The following TMEM244 variants were observed in gnomAD, a reference collection of about 807,000 sequenced individuals.
TMEM244 encodes the protein transmembrane protein 244.
Under a neutral mutation model 15.8 loss-of-function variants are expected in TMEM244, and 13 were observed. The observed-to-expected ratio is 0.82, with a 90% CI of 0.53 to 1.30. The LOEUF (loss-of-function observed/expected upper bound fraction) is 1.30. Among genes scored for constraint, TMEM244 ranks in the 50% most tolerant of loss-of-function variants. The pLI is 0.00. For synonymous variants in TMEM244, 45 were observed against 48.7 expected (o/e 0.92, Z 0.32); for missense variants, 161 against 144.9 (o/e 1.11, Z -0.57).
At chr6:129,844,728 T>C (rs961971270) in intron 2 of TMEM244, among the ~76,000 whole-genome samples, 2 of 152,196 alleles carry the variant, frequency 1.3e-5, no homozygotes, top group Non-Finnish European at 2.9e-5. Context: ...ATAGCCTCAC[T>C]GTCTCCAGTC....
intron 3 of TMEM244, among the ~76,000 whole-genome samples, chr6:129,836,003 A>G (rs1776400171): frequency 6.6e-6 from 1 of 152,214 alleles, no homozygotes; most frequent in Non-Finnish European, 1.5e-5. Context: ...AACAAAAGGC[A>G]GCAGTCAGCT....
At chr6:129,859,265 A>G (rs1273100718) in intron 1 of TMEM244, among the ~76,000 whole-genome samples, 1 of 152,208 alleles carries the variant, frequency 6.6e-6, no homozygotes, top group Non-Finnish European at 1.5e-5. Context: ...CATGTATACA[A>G]TTCTTAACAT....
intron 1 of TMEM244, among the ~76,000 whole-genome samples, chr6:129,851,981 T>C (rs1776642115): frequency 1.3e-5 from 2 of 152,210 alleles, no homozygotes; most frequent in South Asian, 4.1e-4. Context: ...TGTTAGGTTT[T>C]TAAGGTAAGA....
intron 1 of TMEM244, among the ~76,000 whole-genome samples, chr6:129,855,031 A>T (rs536105401): frequency 3.3e-5 from 5 of 152,310 alleles, no homozygotes; most frequent in African/African-American, 1.2e-4. Flanking sequence ...TACAATGCAA[A>T]TAGCTACTGG....
At chr6:129,838,100 C>A (rs1482337411) in intron 3 of TMEM244, among the ~76,000 whole-genome samples, 1 of 152,192 alleles carries the variant, frequency 6.6e-6, no homozygotes, top group African/African-American at 2.4e-5. Flanking sequence ...ATTCTACACC[C>A]CAAATCAATG....
chr6:129,844,223 C>T (rs143282322), intron 2 of TMEM244, among the ~76,000 whole-genome samples: 216 of 152,270 alleles, frequency 1.4e-3, no homozygotes, highest in African/African-American at 5.1e-3. Context: ...AGCCAAATAA[C>T]ATTTTGTCCA....
At chr6:129,843,628 G>A in intron 2 of TMEM244, 25 bp from the exon 3 acceptor site, 1 of 1,557,940 alleles carries the variant, frequency 6.4e-7, no homozygotes, top group Non-Finnish European at 8.8e-7. Flanking sequence ...AGTGAAAACA[G>A]TTTACTCTGA....
At chr6:129,845,386 A>T (rs1412173036) in intron 2 of TMEM244, among the ~76,000 whole-genome samples, 1 of 152,204 alleles carries the variant, frequency 6.6e-6, no homozygotes, top group Non-Finnish European at 1.5e-5. Context: ...GCATCCTCTG[A>T]AGAGGTAAGA....
intron 2 of TMEM244, among the ~76,000 whole-genome samples, chr6:129,844,904 C>T (rs1409457662): frequency 6.6e-6 from 1 of 152,132 alleles, no homozygotes; most frequent in African/African-American, 2.4e-5. Context: ...TCCTTGCTTG[C>T]ACAATAAAAT....
At chr6:129,832,550 T>C (rs906285299) in intron 4 of TMEM244, among the ~76,000 whole-genome samples, 2 of 152,120 alleles carry the variant, frequency 1.3e-5, no homozygotes. Flanking sequence ...TTAGGCGGTA[T>C]AGTAAGGGAG....
chr6:129,847,782 T>C (rs1235084421), intron 1 of TMEM244, among the ~76,000 whole-genome samples: 2 of 151,000 alleles, frequency 1.3e-5, no homozygotes, highest in East Asian at 1.9e-4. Context: ...TTTCTTTTTT[T>C]TTTTTTTTTG....
rs1378454183 is a variant in TMEM244 at position 129,833,559 on chromosome 6, A to G, written c.220T>C (p.Tyr74His). The part of the protein sequence containing the change: ...KVLLVSTEVT[Y>H]FVCGLFFVPV... Reference sequence around the variant, plus strand: ...ACAAAAAACAATCCACAAACAAAGTAGGTGACCTCTGTTGAAACTAAAAGA... The same window carrying G: ...ACAAAAAACAATCCACAAACAAAGTGGGTGACCTCTGTTGAAACTAAAAGA... Residue 74 changes from tyrosine (Y) to histidine (H), a missense_variant, in exon 4 of 5, where the codon TAC (tyrosine) becomes CAC (histidine). Physicochemically the swap from Tyr to His is moderately conservative, Grantham distance 83. Coordinates refer to ENST00000368143, the MANE Select transcript of TMEM244 (RefSeq NM_001010876.2). 6.2e-7 allele frequency: 1 copy of G among 1,612,712 alleles called. No individual in the cohort carries two copies. The highest frequency in any genetic ancestry group is 1.1e-5 in the South Asian group (1 of 90,874).
chr6:129,833,777 G>T (rs946766190), intron 3 of TMEM244, among the ~76,000 whole-genome samples, 192 bp from the exon 4 acceptor site: 2 of 151,794 alleles, frequency 1.3e-5, no homozygotes, highest in African/African-American at 4.8e-5. Context: ...ACAATTTTAA[G>T]ATTTATAGAA....
intron 4 of TMEM244, among the ~76,000 whole-genome samples, chr6:129,833,161 A>G (rs576713915): frequency 6.6e-6 from 1 of 152,346 alleles, no homozygotes; most frequent in Non-Finnish European, 1.5e-5. Flanking sequence ...AAATGCTAAC[A>G]TTAGGGGAAG....
intron 3 of TMEM244, among the ~76,000 whole-genome samples, chr6:129,840,739 C>A (rs1193951813): frequency 6.6e-6 from 1 of 152,058 alleles, no homozygotes; most frequent in Non-Finnish European, 1.5e-5. Context: ...AAGAAAAAAG[C>A]AACCCCATCA....
Position 129,846,572 on chromosome 6 carries a change from C to A in TMEM244, c.34-720G>T, listed in dbSNP as rs559390481. 2.0e-5 allele frequency among the ~76,000 whole-genome samples: 3 copies of A among 152,206 alleles called. No individual in the cohort carries two copies. In the South Asian group the frequency reaches 6.2e-4, roughly 32 times the overall value. On this transcript the variant is annotated intron_variant, in intron 1 of 4. Transcript: ENST00000368143. ...TATACAAATCCATATCTCTTACCCT[C>A]CATTCACTGGAACAAACTTCCTAAA...
intron 3 of TMEM244, among the ~76,000 whole-genome samples, chr6:129,835,437 C>T (rs185079406): frequency 1.5e-4 from 23 of 151,076 alleles, no homozygotes; most frequent in African/African-American, 5.6e-4. Context: ...GGAGTCACTT[C>T]CAAGATGGCT....
chr6:129,847,057 A>G (rs541073875), intron 1 of TMEM244, among the ~76,000 whole-genome samples: 1 of 152,344 alleles, frequency 6.6e-6, no homozygotes, highest in South Asian at 2.1e-4. Context: ...TGTAATATAT[A>G]TCACAGGAAA....
chr6:129,833,864 C>T (rs1320505407), intron 3 of TMEM244, among the ~76,000 whole-genome samples: 2 of 151,986 alleles, frequency 1.3e-5, no homozygotes, highest in Non-Finnish European at 2.9e-5. Context: ...AGAAGTGTTA[C>T]AATATAACCA....
Sources: gnomAD v4.1 joint callset for allele counts (sites outside exome capture counted in the v4.1 genomes callset) on GRCh38, gnomAD v4.1.1 for gene constraint, MANE v1.5 for transcripts, NCBI Gene and HGNC (gene_info 2026-07-23, HGNC 2026-07-21) for gene names.